The following NUP188 variants were observed in gnomAD, a reference collection of about 807,000 sequenced individuals.
NUP188 encodes the protein nucleoporin 188.
A neutral mutation model predicts 223.0 loss-of-function variants in NUP188; 97 were observed. That is an observed-to-expected ratio of 0.43 (90% CI 0.37 to 0.51). The LOEUF (loss-of-function observed/expected upper bound fraction) is 0.51, where lower values mean the gene tolerates loss of function less well. Ranked by LOEUF, NUP188 falls within the 20% of genes least tolerant of loss-of-function variation. The pLI is 0.00. For synonymous variants in NUP188, 869 were observed against 828.0 expected (o/e 1.05, Z -0.85); for missense variants, 1,947 against 2,175.6 (o/e 0.89, Z 2.09).
chr9:128,997,470 A>C (rs79904735), intron 30 of NUP188, among the ~76,000 whole-genome samples: 3,446 of 152,308 alleles, frequency 0.023, 68 homozygotes, highest in Middle Eastern at 0.075. Flanking sequence ...ACAGAAGAAC[A>C]GCAGGGCCTT....
At chr9:129,004,740 G>T (rs182467922) in intron 38 of NUP188, 4 of 186,764 alleles carry the variant, frequency 2.1e-5, no homozygotes, top group African/African-American at 2.3e-5. Context: ...TGCTGACCTC[G>T]TGATGCGCCT....
intron 4 of NUP188, 89 bp from the exon 5 acceptor site, chr9:128,956,863 G>A: frequency 2.4e-6 from 2 of 845,220 alleles, no homozygotes; most frequent in Non-Finnish European, 1.9e-6. Context: ...TTCAAGTCCT[G>A]TGTTCATTGT....
chr9:128,973,267 A>T lies in NUP188; in HGVS notation c.1203+18A>T. ...ATCAGCAGGTCAGTGTCTGGCTTTCATGAAGCTGTCTCTACTGCCCAGCTT... is the reference window on the plus strand; with the variant it reads ...ATCAGCAGGTCAGTGTCTGGCTTTCTTGAAGCTGTCTCTACTGCCCAGCTT... On this transcript the variant is annotated intron_variant, in intron 12 of 43. Transcript: ENST00000372577. 1 of 1,601,270 alleles carries T rather than the reference A, an allele frequency of 6.2e-7. No individual in the cohort carries two copies. The highest frequency in any genetic ancestry group is 8.5e-7 in the Non-Finnish European group (1 of 1,170,218).
intron 23 of NUP188, 126 bp from the exon 24 acceptor site, chr9:128,987,921 A>G (rs1842361553): frequency 8.0e-7 from 1 of 1,243,360 alleles, no homozygotes; most frequent in Non-Finnish European, 1.1e-6. Flanking sequence ...CCTAGTTTGG[A>G]CTGGGGCCTC....
intron 4 of NUP188, 43 bp from the exon 5 acceptor site, chr9:128,956,909 G>A (rs1841878923): frequency 7.4e-7 from 1 of 1,357,884 alleles, no homozygotes; most frequent in Admixed American, 2.0e-5. Context: ...CATCCTGTGT[G>A]CGATTTCTGA....
chr9:128,981,595 C>A (rs1330162292), intron 15 of NUP188, among the ~76,000 whole-genome samples: 2 of 152,080 alleles, frequency 1.3e-5, no homozygotes, highest in East Asian at 3.9e-4. Flanking sequence ...CTCTGAGGCT[C>A]ACATCTGTAC....
intron 15 of NUP188, among the ~76,000 whole-genome samples, chr9:128,982,255 C>T (rs1842264434): frequency 6.6e-6 from 1 of 151,988 alleles, no homozygotes; most frequent in Non-Finnish European, 1.5e-5. Flanking sequence ...ACATGGAAAA[C>T]CCCATCTCTA....
At chr9:128,952,974 A>T in intron 3 of NUP188, 128 bp downstream of exon 3, 2 of 744,722 alleles carry the variant, frequency 2.7e-6, no homozygotes, top group South Asian at 1.7e-5. Flanking sequence ...AATTTAGTTT[A>T]CCAGTGGAAA....
At chr9:128,971,576 G>A (rs528578626) in intron 11 of NUP188, among the ~76,000 whole-genome samples, 2 of 151,920 alleles carry the variant, frequency 1.3e-5, no homozygotes, top group African/African-American at 2.4e-5. Flanking sequence ...CTGCCACAAC[G>A]CCTAGCTAAT....
At position 128,993,391 on chromosome 9, in the gene NUP188, T is replaced by C. The variant is rs568048572; in HGVS notation, c.2835T>C (p.Ser945=). Residue 945 remains serine (S), a synonymous_variant, in exon 26 of 44, where the codon AGT becomes AGC. Transcript: ENST00000372577. ...TGAACCTGGAAGTTAAGGATGGCAG[T>C]GATGGCTCAAAGGTAAGCCTGTAAC... ...LFLNLEVKDG[S]DGSKEFSLGM... 3.8e-5 allele frequency: 61 copies of C among 1,614,196 alleles called. No homozygotes were observed. The African/African-American group carries it at 6.8e-4, about 18-fold the overall frequency.
intron 8 of NUP188, among the ~76,000 whole-genome samples, chr9:128,961,444 G>A (rs1389915087): frequency 6.6e-6 from 1 of 151,024 alleles, no homozygotes; most frequent in Non-Finnish European, 1.5e-5. Context: ...TCCAGGTGGT[G>A]GAGGTTGCAG....
intron 24 of NUP188, among the ~76,000 whole-genome samples, 177 bp from the exon 25 acceptor site, chr9:128,989,943 A>C (rs951688684): frequency 1.3e-5 from 2 of 152,192 alleles, no homozygotes; most frequent in Non-Finnish European, 2.9e-5. Flanking sequence ...AATTCTGACT[A>C]TTCTTTTGCT....
intron 5 of NUP188, 62 bp downstream of exon 5, chr9:128,957,094 T>A: frequency 8.3e-7 from 1 of 1,211,558 alleles, no homozygotes; most frequent in Non-Finnish European, 1.2e-6. Flanking sequence ...TGGTTTTAGA[T>A]AATGTAGGAT....
In NUP188 at chr9:128,994,973, A is replaced by C. The variant is rs149134579; in HGVS notation, c.3155+50A>C. 325 of 1,388,626 alleles carry C rather than the reference A, an allele frequency of 2.3e-4. 3 individuals carry two copies. In the African/African-American group the frequency reaches 4.2e-3, roughly 18 times the overall value. 86.0% of individuals were successfully genotyped at this position (1,388,626 alleles called of 1,614,324 possible). On this transcript the variant is annotated intron_variant, in intron 29 of 43. Transcript: ENST00000372577. ...TTTAACTGAAGGTTGGGGGAGTGGG[A>C]GTTGGTGGCCTACCACTGGGTGCAT...
chr9:128,974,074 C>T (rs1175353050), intron 12 of NUP188, among the ~76,000 whole-genome samples: 1 of 151,968 alleles, frequency 6.6e-6, no homozygotes, highest in Non-Finnish European at 1.5e-5. Context: ...CCGCGCCCGG[C>T]TAATTTTTTT....
At chr9:128,987,084 A>AGTGTGTGT (rs1337461997) in intron 22 of NUP188, among the ~76,000 whole-genome samples, 13 of 128,218 alleles carry the variant, frequency 1.0e-4, no homozygotes, top group East Asian at 6.9e-4. Flanking sequence ...AGAGAGAGAG[A>AGTGTGTGT]GAGAGTGTGT....
chr9:128,966,162 TGTGTGTGC>T (rs1469565407), intron 8 of NUP188, among the ~76,000 whole-genome samples: 3 of 146,886 alleles, frequency 2.0e-5, no homozygotes, highest in African/African-American at 5.1e-5. Flanking sequence ...TGTGTGTGTG[TGTGTGTGC>T]GTGTGCCCAG....
At chr9:128,981,421 G>GC (rs1842252761) in intron 15 of NUP188, 31 bp downstream of exon 15, 1 of 1,564,944 alleles carries the variant, frequency 6.4e-7, no homozygotes, top group Admixed American at 2.0e-5. Context: ...TTTTATGACA[G>GC]CTTTTTTTTT....
Position 128,962,318 on chromosome 9 carries a change from G to T in NUP188, c.585+3184G>T, listed in dbSNP as rs377640371. Among the ~76,000 whole-genome samples the T allele has an allele frequency of 5.9e-4, 87 of 147,362 alleles. 1 individual carries two copies. In the East Asian group the frequency reaches 0.014, roughly 24 times the overall value. ...GGCTAGAGTGCAGTGGCACGATCTCGGCTCTCTGCAAGCTCCACCTCTCGG... is the reference window on the plus strand; with the variant it reads ...GGCTAGAGTGCAGTGGCACGATCTCTGCTCTCTGCAAGCTCCACCTCTCGG... On this transcript the variant is annotated intron_variant, in intron 8 of 43. Transcript: ENST00000372577.
Sources: gnomAD v4.1 joint callset for allele counts (sites outside exome capture counted in the v4.1 genomes callset) on GRCh38, gnomAD v4.1.1 for gene constraint, MANE v1.5 for transcripts, NCBI Gene and HGNC (gene_info 2026-07-23, HGNC 2026-07-21) for gene names.